The following PTPRD variants were observed in gnomAD, a reference collection of about 807,000 sequenced individuals.
PTPRD encodes protein tyrosine phosphatase receptor type D, also known as receptor-type tyrosine-protein phosphatase delta.
A neutral mutation model predicts 214.5 loss-of-function variants in PTPRD; 34 were observed. The observed-to-expected ratio is 0.16, with a 90% CI of 0.12 to 0.21. PTPRD has a LOEUF of 0.21. Among genes scored for constraint, PTPRD ranks in the 10% least tolerant of loss-of-function variants. PTPRD has a pLI of 1.00. For missense variants in PTPRD, 2,545 were observed against 2,398.7 expected (o/e 1.06, Z -1.27); for synonymous variants, 1,128 against 845.7 (o/e 1.33, Z -5.79).
intron 10 of PTPRD, among the ~76,000 whole-genome samples, chr9:9,179,982 G>T (rs999514618): frequency 3.9e-5 from 6 of 152,078 alleles, no homozygotes; most frequent in Non-Finnish European, 8.8e-5. Context: ...TTTAAGGGAT[G>T]AAGGATACAT....
At chr9:8,435,708 C>T (rs1348149684) in intron 35 of PTPRD, among the ~76,000 whole-genome samples, 2 of 151,688 alleles carry the variant, frequency 1.3e-5, no homozygotes, top group East Asian at 1.9e-4. Flanking sequence ...AATACACACA[C>T]ACACACACAC....
chr9:10,408,376 T>A (rs971428641), intron 2 of PTPRD, among the ~76,000 whole-genome samples: 2 of 151,558 alleles, frequency 1.3e-5, no homozygotes, highest in Non-Finnish European at 3.0e-5. Context: ...ACTATGTCCA[T>A]GGATAGGCAA....
At chr9:9,729,978 T>C (rs1453642303) in intron 7 of PTPRD, among the ~76,000 whole-genome samples, 1 of 152,152 alleles carries the variant, frequency 6.6e-6, no homozygotes, top group South Asian at 2.1e-4. Flanking sequence ...GATTGGTATA[T>C]ATGTTTGGTT....
chr9:8,376,260 A>G (rs2083214561), intron 38 of PTPRD, among the ~76,000 whole-genome samples, 170 bp from the exon 39 acceptor site: 1 of 152,108 alleles, frequency 6.6e-6, no homozygotes, highest in South Asian at 2.1e-4. Context: ...CTATTTGTAA[A>G]TGACAAATAT....
intron 9 of PTPRD, among the ~76,000 whole-genome samples, chr9:9,229,191 T>G (rs552413208): frequency 6.6e-6 from 1 of 152,130 alleles, no homozygotes; most frequent in Non-Finnish European, 1.5e-5. Context: ...ATTGATAACA[T>G]TCAACTTACA....
intron 10 of PTPRD, among the ~76,000 whole-genome samples, chr9:9,145,780 AC>A (rs371027726): frequency 7.3e-4 from 111 of 152,314 alleles, no homozygotes; most frequent in African/African-American, 2.6e-3. Context: ...ATGGCCATAT[AC>A]TTTTTCCTTG....
At chr9:8,367,860 C>T (rs12349042) in intron 39 of PTPRD, among the ~76,000 whole-genome samples, 3,183 of 152,248 alleles carry the variant, frequency 0.021, 116 homozygotes, top group African/African-American at 0.071. Flanking sequence ...TCACTTTACA[C>T]GGCTCTTATT....
chr9:9,032,355 C>G (rs1284327426), intron 10 of PTPRD, among the ~76,000 whole-genome samples: 2 of 152,088 alleles, frequency 1.3e-5, no homozygotes, highest in African/African-American at 4.8e-5. Context: ...GCACTGACAC[C>G]AGCCTGCCTA....
intron 10 of PTPRD, among the ~76,000 whole-genome samples, chr9:9,042,477 G>A (rs1032619867): frequency 2.6e-5 from 4 of 152,104 alleles, no homozygotes; most frequent in Non-Finnish European, 5.9e-5. Flanking sequence ...CCCGAAAATT[G>A]GGGTTGTCAC....
At chr9:10,544,942 A>C (rs1286493436) in intron 2 of PTPRD, among the ~76,000 whole-genome samples, 1 of 152,240 alleles carries the variant, frequency 6.6e-6, no homozygotes, top group Non-Finnish European at 1.5e-5. Context: ...AAACAAGCAC[A>C]TAAATAAAAT....
intron 9 of PTPRD, among the ~76,000 whole-genome samples, chr9:9,216,134 C>T (rs1442413433): frequency 6.6e-6 from 1 of 152,086 alleles, no homozygotes; most frequent in Non-Finnish European, 1.5e-5. Context: ...TCAGTTTAGT[C>T]ACCTTTTAAA....
chr9:9,252,117 T>C (rs996724943), intron 9 of PTPRD, among the ~76,000 whole-genome samples: 3 of 152,040 alleles, frequency 2.0e-5, no homozygotes, highest in Non-Finnish European at 4.4e-5. Context: ...GGTACTCTGT[T>C]GTAGGGGACC....
intron 11 of PTPRD, among the ~76,000 whole-genome samples, chr9:8,741,566 C>CT (rs66547770): frequency 0.013 from 942 of 70,562 alleles, 156 homozygotes; most frequent in East Asian, 0.017. Context: ...TCAGGCATTT[C>CT]TTTTTTTTTT....
At chr9:10,507,438 G>C (rs2046382291) in intron 2 of PTPRD, among the ~76,000 whole-genome samples, 1 of 152,002 alleles carries the variant, frequency 6.6e-6, no homozygotes, top group Non-Finnish European at 1.5e-5. Context: ...CACAGAATTG[G>C]AAAAAACTAC....
chr9:10,541,851 G>T (rs1167271807), intron 2 of PTPRD, among the ~76,000 whole-genome samples: 2 of 152,068 alleles, frequency 1.3e-5, no homozygotes, highest in Non-Finnish European at 2.9e-5. Context: ...TAACAAATGA[G>T]ATTTTTACCA....
intron 5 of PTPRD, among the ~76,000 whole-genome samples, chr9:9,929,080 T>C (rs1008560289): frequency 6.6e-6 from 1 of 152,122 alleles, no homozygotes; most frequent in South Asian, 2.1e-4. Flanking sequence ...GCCTAAGCAA[T>C]AGATACCATA....
intron 9 of PTPRD, among the ~76,000 whole-genome samples, chr9:9,235,169 G>A (rs1433254410): frequency 1.3e-5 from 2 of 152,128 alleles, no homozygotes. Context: ...AGCAATGGGG[G>A]AAAAGCCCCT....
chr9:10,031,647 T>TATATATATATATATACACACACACACAC lies in PTPRD; in HGVS notation c.-472+2070_-472+2071insGTGTGTGTGTGTGTATATATATATATAT. Among the ~76,000 whole-genome samples the TATATATATATATATACACACACACACAC allele has an allele frequency of 2.3e-3, 205 of 89,468 alleles. 2 individuals carry two copies. Among genetic ancestry groups the TATATATATATATATACACACACACACAC allele is most frequent in the African/African-American group, 7.0e-3 (86 of 12,330 alleles). 58.7% of individuals were successfully genotyped at this position (89,468 alleles called of 152,430 possible). On this transcript the variant is annotated intron_variant, in intron 4 of 45. Transcript: ENST00000381196. ...CTCCATATATATATATATATATATA[T>TATATATATATATATACACACACACACAC]ACACACACACACACACACATACACA...
At chr9:10,605,579 C>T (rs1355367153) in intron 2 of PTPRD, among the ~76,000 whole-genome samples, 3 of 151,632 alleles carry the variant, frequency 2.0e-5, no homozygotes, top group South Asian at 2.1e-4. Flanking sequence ...ACAGCTTCCA[C>T]CTAGGTTCTA....
Sources: allele counts gnomAD v4.1 joint callset (sites outside exome capture counted in the v4.1 genomes callset), GRCh38; gene constraint gnomAD v4.1.1; transcripts MANE v1.5; gene names NCBI Gene and HGNC (gene_info 2026-07-23, HGNC 2026-07-21).